Variants in RSPH14 observed in about 807,000 individuals in gnomAD.
RSPH14 encodes radial spoke head 14 homolog, also known as rhabdoid tumor deletion region gene 1.
A neutral mutation model predicts 26.7 loss-of-function variants in RSPH14; 20 were observed. The ratio of observed to expected loss-of-function variants is 0.75; its 90% CI spans 0.53 to 1.09. The LOEUF is 1.09. RSPH14 is among the 50% of genes least tolerant of loss of function. The pLI is 0.00. For missense variants in RSPH14, 449 were observed against 457.2 expected (o/e 0.98, Z 0.16); for synonymous variants, 177 against 189.3 (o/e 0.93, Z 0.53).
chr22:23,152,913 A>G, the RSPH14 span: 1 of 738,836 alleles, frequency 1.4e-6, no homozygotes. Context: ...GCCTGCGTGG[A>G]CCATCGCTTC....
intron 4 of RSPH14, among the ~76,000 whole-genome samples, chr22:23,099,860 G>T (rs890579629): frequency 1.3e-5 from 2 of 152,254 alleles, no homozygotes; most frequent in Non-Finnish European, 2.9e-5. Flanking sequence ...TCTTCACTCG[G>T]CCCCACTGGA....
At chr22:23,074,755 G>A (rs58755134) in intron 4 of RSPH14, among the ~76,000 whole-genome samples, 18,282 of 152,180 alleles carry the variant, frequency 0.12, 1,369 homozygotes, top group East Asian at 0.32. Context: ...GTGGCGCCTC[G>A]GGAGGCTGGA....
At chr22:23,159,280 G>C in the RSPH14 span, 3 of 1,555,110 alleles carry the variant, frequency 1.9e-6, no homozygotes, top group Non-Finnish European at 2.6e-6. Context: ...TGTCACCATG[G>C]TGGGGCAGAG....
chr22:23,070,275 T>A (rs1430975140), intron 4 of RSPH14: 1 of 146,420 alleles, frequency 6.8e-6, no homozygotes, highest in Non-Finnish European at 1.5e-5. Context: ...CGCCCGCGGT[T>A]GGCCTGGCAA....
chr22:23,095,780 C>T, intron 4 of RSPH14: 2 of 1,613,176 alleles, frequency 1.2e-6, no homozygotes, highest in Non-Finnish European at 1.7e-6. Context: ...AGAGAGCCAG[C>T]GGCAACGCCG....
intron 4 of RSPH14, among the ~76,000 whole-genome samples, chr22:23,075,118 T>C (rs2068477296): frequency 6.6e-6 from 1 of 152,024 alleles, no homozygotes; most frequent in African/African-American, 2.4e-5. Context: ...TCAAGGATAA[T>C]ATTGGGGATG....
the RSPH14 span, among the ~76,000 whole-genome samples, chr22:23,172,898 C>T: frequency 1.3e-5 from 2 of 151,116 alleles, no homozygotes; most frequent in African/African-American, 4.9e-5. Flanking sequence ...TGCAGTGAGC[C>T]GAGATCGCCC....
intron 4 of RSPH14, among the ~76,000 whole-genome samples, chr22:23,101,005 G>A (rs1000029772): frequency 1.3e-5 from 2 of 152,204 alleles, no homozygotes; most frequent in South Asian, 2.1e-4. Context: ...ATAAAATGGC[G>A]TGTTGTGGGT....
At chr22:23,119,701 G>T (rs2069955930) in intron 4 of RSPH14, among the ~76,000 whole-genome samples, 2 of 152,346 alleles carry the variant, frequency 1.3e-5, no homozygotes, top group Admixed American at 1.3e-4. Flanking sequence ...GGGATGGAGT[G>T]AGGCGGCAAG....
At chr22:23,165,819 G>A in the RSPH14 span, among the ~76,000 whole-genome samples, 3 of 152,118 alleles carry the variant, frequency 2.0e-5, no homozygotes, top group South Asian at 6.2e-4. Context: ...GGCAGCTTGG[G>A]CTTCCTCACA....
chr22:23,180,473 G>C, the RSPH14 span: 1 of 168,314 alleles, frequency 5.9e-6, no homozygotes, highest in Non-Finnish European at 1.3e-5. Context: ...CATCCGCGCC[G>C]CGGCCACCTC....
the RSPH14 span, among the ~76,000 whole-genome samples, chr22:23,174,871 G>T: frequency 2.6e-5 from 4 of 152,030 alleles, no homozygotes; most frequent in Non-Finnish European, 4.4e-5. Context: ...GGGAGGCTGA[G>T]GCAGGAGAAT....
intron 4 of RSPH14, chr22:23,070,408 C>A (rs2068324600): frequency 6.8e-6 from 1 of 146,502 alleles, no homozygotes. Context: ...GGGAACCAGG[C>A]CGGCCGGAGC....
At chr22:23,115,997 C>T (rs1051677443) in intron 4 of RSPH14, among the ~76,000 whole-genome samples, 4 of 152,228 alleles carry the variant, frequency 2.6e-5, no homozygotes, top group African/African-American at 7.2e-5. Flanking sequence ...CAGGAAGGTG[C>T]CGCGCATGTG....
chr22:23,152,516 C>G, the RSPH14 span: 2 of 1,614,154 alleles, frequency 1.2e-6, no homozygotes, highest in Non-Finnish European at 1.7e-6. Flanking sequence ...GAAGACCAGC[C>G]TCATCCACAG....
At chr22:23,152,572 G>C in the RSPH14 span, 1 of 1,579,480 alleles carries the variant, frequency 6.3e-7, no homozygotes, top group Non-Finnish European at 8.7e-7. Flanking sequence ...CCAGCACCAG[G>C]TTGTCATACC....
chr22:23,123,599 T>A, intron 4 of RSPH14: 1 of 601,358 alleles, frequency 1.7e-6, no homozygotes. Flanking sequence ...ACATAAATAT[T>A]TACGGATAGA....
chr22:23,101,275 TCCTGGCACTGGCC>T (rs1456976811), intron 4 of RSPH14, among the ~76,000 whole-genome samples: 1 of 151,856 alleles, frequency 6.6e-6, no homozygotes, highest in Non-Finnish European at 1.5e-5. Flanking sequence ...TCAGGGAGGG[TCCTGGCACTGGCC>T]CCTGGGAATT....
intron 2 of RSPH14, 58 bp downstream of exon 2, chr22:23,140,164 A>G: frequency 1.2e-6 from 2 of 1,600,418 alleles, no homozygotes; most frequent in Non-Finnish European, 1.7e-6. Context: ...AGTTCTACCC[A>G]GTGCCTGAAG....
Sources: allele counts gnomAD v4.1 joint callset (sites outside exome capture counted in the v4.1 genomes callset), GRCh38; gene constraint gnomAD v4.1.1; transcripts MANE v1.5; gene names NCBI Gene and HGNC (gene_info 2026-07-23, HGNC 2026-07-21).